Variants in TMEM41B observed in about 807,000 individuals in gnomAD.
TMEM41B encodes the protein transmembrane protein 41B.
A neutral mutation model predicts 31.9 loss-of-function variants in TMEM41B; 18 were observed. The observed-to-expected ratio is 0.56, with a 90% CI of 0.39 to 0.84. TMEM41B has a LOEUF of 0.84. Ranked by LOEUF, TMEM41B falls within the 40% of genes least tolerant of loss-of-function variation. The pLI, the probability that TMEM41B is intolerant of heterozygous loss-of-function variation, is 0.00. For synonymous variants in TMEM41B, 144 were observed against 124.3 expected (o/e 1.16, Z -1.05); for missense variants, 322 against 348.0 (o/e 0.93, Z 0.59).
At chr11:9,285,539 GAA>G (rs1319684474) in intron 6 of TMEM41B, among the ~76,000 whole-genome samples, 4 of 152,116 alleles carry the variant, frequency 2.6e-5, no homozygotes, top group Non-Finnish European at 4.4e-5. Flanking sequence ...GAACTGGAAA[GAA>G]GAGCAAAACA....
chr11:9,281,171 ACT>A lies in TMEM41B; in HGVS notation c.*2251_*2252del, dbSNP rs1214569923. 1.3e-5 allele frequency: 2 copies of A among 152,212 alleles called. No homozygotes were observed. Among genetic ancestry groups the A allele is most frequent in the African/African-American group, 4.8e-5 (2 of 41,458 alleles). 9.4% of individuals were successfully genotyped at this position (152,212 alleles called of 1,614,324 possible). On this transcript the variant is annotated 3_prime_UTR_variant, in exon 7 of 7. Coordinates refer to ENST00000528080, the MANE Select transcript of TMEM41B (RefSeq NM_015012.4). ...AATAGTGAAGCTTCTACTGAGTTCT[ACT>A]GAGTCTAAGCTCTTTTATTTTTAAA...
At chr11:9,290,404 T>C (rs1852929188) in intron 3 of TMEM41B, among the ~76,000 whole-genome samples, 1 of 152,038 alleles carries the variant, frequency 6.6e-6, no homozygotes, top group African/African-American at 2.4e-5. Context: ...AAACATCATA[T>C]TATGGATAGT....
chr11:9,313,129 AC>A (rs1474972151), intron 1 of TMEM41B, among the ~76,000 whole-genome samples: 1 of 152,142 alleles, frequency 6.6e-6, no homozygotes. Flanking sequence ...GAATATTGTC[AC>A]CCTCAGTAGT....
chr11:9,314,198 G>C (rs2133660473), intron 1 of TMEM41B, 123 bp downstream of exon 1: 1 of 1,285,936 alleles, frequency 7.8e-7, no homozygotes, highest in East Asian at 2.8e-5. Flanking sequence ...CTCTGCTCCC[G>C]CCGCGGCGCC....
At chr11:9,297,871 C>A (rs1298050960) in intron 2 of TMEM41B, among the ~76,000 whole-genome samples, 2 of 151,752 alleles carry the variant, frequency 1.3e-5, no homozygotes, top group Non-Finnish European at 2.9e-5. Flanking sequence ...GTGGCTCACA[C>A]CTGTAATCCC....
chr11:9,312,448 C>CTA (rs1853583218), intron 1 of TMEM41B, among the ~76,000 whole-genome samples: 1 of 152,202 alleles, frequency 6.6e-6, no homozygotes, highest in African/African-American at 2.4e-5. Context: ...CTGCAGCAAG[C>CTA]TATGATCATG....
At chr11:9,300,594 C>T (rs963594971) in intron 1 of TMEM41B, among the ~76,000 whole-genome samples, 7 of 151,872 alleles carry the variant, frequency 4.6e-5, no homozygotes, top group East Asian at 1.9e-4. Context: ...ATTATATGAA[C>T]GAGGCCAGGC....
In TMEM41B at chr11:9,305,506, A is replaced by G. The variant is rs35558371; in HGVS notation, c.122-5805T>C. Among the ~76,000 whole-genome samples, 545 of 152,304 alleles carry G rather than the reference A, an allele frequency of 3.6e-3. 3 individuals carry two copies. The highest frequency in any genetic ancestry group is 6.4e-3 in the Non-Finnish European group (434 of 68,034). The stretch of plus-strand genomic sequence containing the variant: ...TCCCAGCCACTGGGGAGGCTAAGGC[A>G]CAAGAATTGCTGGAACCTGGGAGGT... On this transcript the variant is annotated intron_variant, in intron 1 of 6. Transcript: ENST00000528080.
At chr11:9,285,819 A>C (rs1047013303) in intron 6 of TMEM41B, among the ~76,000 whole-genome samples, 2 of 151,924 alleles carry the variant, frequency 1.3e-5, no homozygotes, top group African/African-American at 4.8e-5. Flanking sequence ...TTACAAAAAA[A>C]AAAAAAAAAA....
intron 4 of TMEM41B, chr11:9,288,217 A>T (rs1291806095): frequency 2.4e-6 from 1 of 410,056 alleles, no homozygotes. Flanking sequence ...AAAATCCAAT[A>T]GGAAAGAAAA....
chr11:9,288,559 TAG>T (rs1852887151), intron 3 of TMEM41B, 24 bp from the exon 4 acceptor site: 1 of 1,472,006 alleles, frequency 6.8e-7, no homozygotes. Context: ...AGTTAAGGAT[TAG>T]AATATAATTA....
At chr11:9,286,039 C>T (rs1307939256) in intron 6 of TMEM41B, among the ~76,000 whole-genome samples, 5 of 152,156 alleles carry the variant, frequency 3.3e-5, no homozygotes, top group Admixed American at 2.6e-4. Flanking sequence ...CGCTTGAACC[C>T]GGGAGGCGGA....
intron 1 of TMEM41B, chr11:9,311,310 G>A (rs1458916795): frequency 8.5e-6 from 13 of 1,524,548 alleles, no homozygotes; most frequent in Non-Finnish European, 1.2e-5. Flanking sequence ...AGAGGAGGAG[G>A]AATGCTTGCT....
intron 1 of TMEM41B, among the ~76,000 whole-genome samples, chr11:9,309,160 C>G (rs978766087): frequency 6.6e-6 from 1 of 151,856 alleles, no homozygotes; most frequent in Admixed American, 6.6e-5. Context: ...GGCGGAGAAT[C>G]GCTTGAATCT....
rs777177030 is a variant in TMEM41B, at chr11:9,281,527, A to G, written c.*1897T>C. Reference sequence around the variant, plus strand: ...ATTATACCTCTTATAATAAAAACATACAAGGATTTCTCACAGCTAAAGTAC... The same window carrying G: ...ATTATACCTCTTATAATAAAAACATGCAAGGATTTCTCACAGCTAAAGTAC... On this transcript the variant is annotated 3_prime_UTR_variant, in exon 7 of 7. Coordinates refer to ENST00000528080, the MANE Select transcript of TMEM41B (RefSeq NM_015012.4). 1 of 152,250 alleles carries G rather than the reference A, an allele frequency of 6.6e-6. No individual in the cohort carries two copies. Among genetic ancestry groups the G allele is most frequent in the Non-Finnish European group, 1.5e-5 (1 of 68,052 alleles). The allele number at this position is 152,250 out of a possible 1,614,324, so 9.4% of individuals were successfully genotyped here.
intron 3 of TMEM41B, among the ~76,000 whole-genome samples, chr11:9,292,344 T>C (rs886422461): frequency 6.6e-6 from 1 of 152,176 alleles, no homozygotes; most frequent in Admixed American, 6.5e-5. Flanking sequence ...TCTCTTCTCT[T>C]ACACTGAAAA....
intron 1 of TMEM41B, among the ~76,000 whole-genome samples, chr11:9,303,274 G>A (rs1169923543): frequency 1.3e-5 from 2 of 152,004 alleles, no homozygotes; most frequent in East Asian, 3.9e-4. Context: ...AAGTAGCCGG[G>A]ATTACAGACG....
intron 2 of TMEM41B, among the ~76,000 whole-genome samples, chr11:9,295,650 T>TC (rs1485063126): frequency 1.4e-4 from 22 of 152,178 alleles, no homozygotes; most frequent in African/African-American, 3.9e-4. Context: ...TTCTCCTGCC[T>TC]CAGCCTTCTG....
intron 1 of TMEM41B, among the ~76,000 whole-genome samples, chr11:9,303,654 T>C (rs1043330042): frequency 1.0e-4 from 11 of 105,002 alleles, no homozygotes; most frequent in South Asian, 7.5e-4. Flanking sequence ...CTTTTTCTTT[T>C]TTTTTTTTTT....
Sources: allele counts gnomAD v4.1 joint callset (sites outside exome capture counted in the v4.1 genomes callset), GRCh38; gene constraint gnomAD v4.1.1; transcripts MANE v1.5; gene names NCBI Gene and HGNC (gene_info 2026-07-23, HGNC 2026-07-21).